LMO7: variants seen among roughly 807,000 people sequenced by gnomAD.
LMO7 encodes the protein LIM domain 7.
LMO7 carries 120 observed loss-of-function variants against 206.5 expected under a neutral mutation model. The ratio of observed to expected loss-of-function variants is 0.58; its 90% CI spans 0.50 to 0.68. The LOEUF (loss-of-function observed/expected upper bound fraction) is 0.68, where lower values mean the gene tolerates loss of function less well. Ranked by LOEUF, LMO7 falls within the 30% of genes least tolerant of loss-of-function variation. The probability of loss-of-function intolerance (pLI) is 0.00; values close to 1 mark genes in which losing one functional copy is unlikely to be tolerated. For missense variants in LMO7, 1,959 were observed against 1,957.9 expected, an observed-to-expected ratio of 1.00 and a Z score of -0.01; for synonymous variants, 706 against 681.5, an observed-to-expected ratio of 1.04 and a Z score of -0.56.
chr13:75,727,687 C>G (rs1423058898), intron 3 of LMO7, among the ~76,000 whole-genome samples: 1 of 151,922 alleles, frequency 6.6e-6, no homozygotes, highest in African/African-American at 2.4e-5. Context: ...AGGTTAGTTA[C>G]ATATGTATAC....
chr13:75,781,833 A>G (rs1566447196), intron 4 of LMO7, among the ~76,000 whole-genome samples: 1 of 152,144 alleles, frequency 6.6e-6, no homozygotes, highest in Non-Finnish European at 1.5e-5. Context: ...CTGGTGTGAG[A>G]TGGTATCTCA....
intron 1 of LMO7, among the ~76,000 whole-genome samples, chr13:75,702,077 G>T (rs764393750): frequency 2.6e-5 from 4 of 152,068 alleles, no homozygotes; most frequent in African/African-American, 9.6e-5. Flanking sequence ...GCTTCTTCTC[G>T]TGGACTAGAA....
At chr13:75,754,899 A>G (rs2047553882) in intron 3 of LMO7, among the ~76,000 whole-genome samples, 1 of 152,242 alleles carries the variant, frequency 6.6e-6, no homozygotes, top group Non-Finnish European at 1.5e-5. Context: ...TTCAGGATTT[A>G]TAATGGAAAT....
intron 11 of LMO7, chr13:75,816,945 T>A (rs2138204285): frequency 4.8e-6 from 2 of 416,210 alleles, no homozygotes; most frequent in Non-Finnish European, 8.6e-6. Context: ...ATAGGGCTAA[T>A]CTAGCCATTT....
chr13:75,737,889 C>T (rs1394395787), intron 3 of LMO7, among the ~76,000 whole-genome samples: 9 of 118,836 alleles, frequency 7.6e-5, no homozygotes, highest in Middle Eastern at 0.013. Flanking sequence ...GTCCTCTGTA[C>T]TCTTCACCCA....
chr13:75,853,466 A>G (rs2060655850), intron 28 of LMO7, 78 bp downstream of exon 28: 4 of 1,333,656 alleles, frequency 3.0e-6, no homozygotes, highest in Non-Finnish European at 4.1e-6. Flanking sequence ...ATCCTGTCCA[A>G]GTTTTCCAAT....
chr13:75,827,762 T>TCTACAAATC (rs1221981402), intron 15 of LMO7, among the ~76,000 whole-genome samples: 1 of 152,194 alleles, frequency 6.6e-6, no homozygotes, highest in African/African-American at 2.4e-5. Context: ...TTTTAAACCC[T>TCTACAAATC]CTACAAATCC....
chr13:75,771,266 C>T lies in LMO7; in HGVS notation c.317+10228C>T, dbSNP rs76779545. On this transcript the variant is annotated intron_variant, in intron 4 of 30. Transcript: ENST00000377534. ...GAATGTTAAATAAGAACATATGTACCTTAGAATAGAAGAGATGTAGTACAA... is the reference window on the plus strand; with the variant it reads ...GAATGTTAAATAAGAACATATGTACTTTAGAATAGAAGAGATGTAGTACAA... Among the ~76,000 whole-genome samples, 1,321 of 151,932 alleles carry T rather than the reference C, an allele frequency of 8.7e-3. 26 individuals are homozygous for T. The highest frequency in any genetic ancestry group is 0.029 in the African/African-American group (1,218 of 41,448).
intron 4 of LMO7, among the ~76,000 whole-genome samples, chr13:75,791,795 C>G (rs1205638912): frequency 6.6e-6 from 1 of 152,120 alleles, no homozygotes; most frequent in African/African-American, 2.4e-5. Flanking sequence ...TGTAATAATT[C>G]TTTGTTCACA....
chr13:75,694,228 G>A (rs1168027552), intron 1 of LMO7, among the ~76,000 whole-genome samples: 1 of 152,044 alleles, frequency 6.6e-6, no homozygotes, highest in Non-Finnish European at 1.5e-5. Context: ...AAGTTATGGG[G>A]GAGAAAGACT....
At chr13:75,683,196 CA>C (rs1422194831) in intron 1 of LMO7, among the ~76,000 whole-genome samples, 1 of 151,776 alleles carries the variant, frequency 6.6e-6, no homozygotes, top group Non-Finnish European at 1.5e-5. Context: ...CAGTGCCTTT[CA>C]AAGAGTAAAA....
chr13:75,740,152 C>G (rs1207590636), intron 3 of LMO7, among the ~76,000 whole-genome samples: 1 of 152,210 alleles, frequency 6.6e-6, no homozygotes, highest in Admixed American at 6.5e-5. Context: ...AATAAGCAGA[C>G]AATATGTGCC....
intron 11 of LMO7, among the ~76,000 whole-genome samples, chr13:75,816,344 T>C (rs1307889778): frequency 6.6e-6 from 1 of 152,224 alleles, no homozygotes; most frequent in African/African-American, 2.4e-5. Context: ...CTCCTCAGTG[T>C]TTAGATCTGA....
chr13:75,662,692 T>A (rs2038718606), intron 1 of LMO7, among the ~76,000 whole-genome samples: 2 of 152,238 alleles, frequency 1.3e-5, no homozygotes, highest in African/African-American at 4.8e-5. Context: ...GCTGATTATT[T>A]AACCAGGATT....
At chr13:75,803,499 C>A (rs2055046092) in intron 7 of LMO7, among the ~76,000 whole-genome samples, 1 of 152,140 alleles carries the variant, frequency 6.6e-6, no homozygotes, top group African/African-American at 2.4e-5. Flanking sequence ...TGTTGTTCTC[C>A]CCCCTTTTCT....
At chr13:75,678,432 A>G (rs1046500797) in intron 1 of LMO7, among the ~76,000 whole-genome samples, 1 of 152,208 alleles carries the variant, frequency 6.6e-6, no homozygotes, top group South Asian at 2.1e-4. Context: ...CTGCACAAAT[A>G]TCTTCTTTTG....
At chr13:75,821,143 T>A (rs1424905652) in intron 13 of LMO7, 34 bp from the exon 14 acceptor site, 53 of 1,530,282 alleles carry the variant, frequency 3.5e-5, no homozygotes, top group Non-Finnish European at 4.6e-5. Context: ...CAAATGTGTG[T>A]CTTTGTGGTG....
chr13:75,673,913 G>A (rs2039798608), intron 1 of LMO7, among the ~76,000 whole-genome samples: 1 of 152,018 alleles, frequency 6.6e-6, no homozygotes, highest in Non-Finnish European at 1.5e-5. Context: ...CAGTTTATTT[G>A]CTATTATAGT....
chr13:75,621,637 TA>T (rs1418932752), exon 1 of LMO7: 4 of 1,028,096 alleles, frequency 3.9e-6, no homozygotes, highest in Non-Finnish European at 5.4e-6. Context: ...CAAGTGCAAA[TA>T]AGTTCAATAT....
Sources: gnomAD v4.1 joint callset for allele counts (sites outside exome capture counted in the v4.1 genomes callset) on GRCh38, gnomAD v4.1.1 for gene constraint, MANE v1.5 for transcripts, NCBI Gene and HGNC (gene_info 2026-07-23, HGNC 2026-07-21) for gene names.